The following CREB5 variants were observed in gnomAD, a reference collection of about 807,000 sequenced individuals.
CREB5 encodes the protein cAMP responsive element binding protein 5, also known as cyclic AMP-responsive element-binding protein 5.
In CREB5, 19 loss-of-function variants were observed where a neutral mutation model predicts 57.1. The observed-to-expected ratio is 0.33, with a 90% CI of 0.23 to 0.49. The LOEUF is 0.49. Ranked by LOEUF, CREB5 falls within the 20% of genes least tolerant of loss-of-function variation. The pLI is 0.99. For missense variants in CREB5, 579 were observed against 671.6 expected (o/e 0.86, Z 1.52); for synonymous variants, 238 against 238.3 (o/e 1.00, Z 0.01).
chr7:28,396,249 A>C (rs1490684874), intron 1 of CREB5, among the ~76,000 whole-genome samples: 4 of 152,236 alleles, frequency 2.6e-5, no homozygotes, highest in Non-Finnish European at 5.9e-5. Context: ...ATGGTGCCTG[A>C]GAAAGAGTTA....
intron 4 of CREB5, among the ~76,000 whole-genome samples, chr7:28,519,779 A>T (rs1199984882): frequency 6.6e-6 from 1 of 152,234 alleles, no homozygotes; most frequent in Non-Finnish European, 1.5e-5. Context: ...TGTTAATAAC[A>T]CTGACGGAAT....
chr7:28,493,466 AG>A (rs1161587350), intron 2 of CREB5, among the ~76,000 whole-genome samples: 1 of 152,230 alleles, frequency 6.6e-6, no homozygotes, highest in African/African-American at 2.4e-5. Flanking sequence ...GTAGATTGGC[AG>A]GAAGTTCTTC....
At chr7:28,654,717 C>T (rs745729375) in intron 5 of CREB5, among the ~76,000 whole-genome samples, 3 of 152,178 alleles carry the variant, frequency 2.0e-5, no homozygotes, top group Middle Eastern at 3.4e-3. Context: ...ATTTTAATAT[C>T]TTCCATATAA....
intron 1 of CREB5, among the ~76,000 whole-genome samples, chr7:28,322,985 A>T (rs1430861620): frequency 6.6e-6 from 1 of 151,988 alleles, no homozygotes; most frequent in African/African-American, 2.4e-5. Flanking sequence ...TAGCTAACCA[A>T]CTCTAGTACT....
At chr7:28,707,076 C>T (rs1390062810) in intron 5 of CREB5, among the ~76,000 whole-genome samples, 1 of 152,096 alleles carries the variant, frequency 6.6e-6, no homozygotes, top group Non-Finnish European at 1.5e-5. Context: ...AGAAAGCCGG[C>T]TTCCCTGAGA....
rs148258126 is a variant in CREB5, at chr7:28,813,766, C to A, written c.1255-4305C>A. ...TTTGTAGTATTGAATATCTCTGTGG[C>A]GTGCTGCTTCATCCCAAGGCAAACT... is the stretch of plus-strand genomic sequence containing the variant. On this transcript the variant is annotated intron_variant, in intron 9 of 10. Coordinates refer to ENST00000357727, the MANE Select transcript of CREB5 (RefSeq NM_182898.4). 4.7e-3 allele frequency among the ~76,000 whole-genome samples: 716 copies of A among 152,142 alleles called. 6 individuals carry two copies. The highest frequency in any genetic ancestry group is 0.016 in the African/African-American group (646 of 41,488).
intron 4 of CREB5, among the ~76,000 whole-genome samples, chr7:28,560,829 CGCGCGTGTGT>C (rs1795087713): frequency 1.5e-5 from 1 of 65,180 alleles, no homozygotes; most frequent in Non-Finnish European, 3.1e-5. Flanking sequence ...TGTGCGCGCG[CGCGCGTGTGT>C]GTGTGCGCGT....
intron 1 of CREB5, among the ~76,000 whole-genome samples, chr7:28,320,454 C>T (rs934825386): frequency 4.6e-5 from 7 of 152,304 alleles, no homozygotes; most frequent in Admixed American, 2.0e-4. Flanking sequence ...ACATGGACCA[C>T]GTAGGAGCCT....
At chr7:28,445,785 T>A (rs968315480) in intron 1 of CREB5, among the ~76,000 whole-genome samples, 7 of 151,640 alleles carry the variant, frequency 4.6e-5, no homozygotes, top group Non-Finnish European at 7.4e-5. Context: ...TCTTCTGACC[T>A]CATGATCCGC....
intron 8 of CREB5, among the ~76,000 whole-genome samples, chr7:28,806,108 G>A (rs891607228): frequency 1.3e-5 from 2 of 152,024 alleles, no homozygotes; most frequent in African/African-American, 4.8e-5. Context: ...TGCCTTTATG[G>A]GCAAGTTATT....
intron 7 of CREB5, among the ~76,000 whole-genome samples, chr7:28,742,839 A>G (rs927877699): frequency 6.6e-6 from 1 of 151,914 alleles, no homozygotes; most frequent in African/African-American, 2.4e-5. Flanking sequence ...GTGGAGTGCA[A>G]TGGTGCGATC....
intron 4 of CREB5, among the ~76,000 whole-genome samples, chr7:28,560,867 TGCGTGCGCGTGCGTGCGTGC>T (rs1583629253): frequency 2.7e-4 from 6 of 22,044 alleles, no homozygotes; most frequent in East Asian, 2.0e-3. Context: ...TGCGTGTGCC[TGCGTGCGCGTGCGTGCGTGC>T]GTGTGTGTGC....
In CREB5 at chr7:28,494,403, C is replaced by T. The variant is rs569276141; in HGVS notation, c.76-503C>T. Among the ~76,000 whole-genome samples, 14 of 152,192 alleles carry T rather than the reference C, an allele frequency of 9.2e-5. No individual in the cohort carries two copies. The South Asian group carries it at 2.9e-3, about 32-fold the overall frequency. On this transcript the variant is annotated intron_variant, in intron 2 of 10. Transcript: ENST00000357727. Reference sequence around the variant, plus strand: ...TTTGTATATATATGTTATTTTAATACCTTCAGTATTGTTCATTTACTTCTT... The same window carrying T: ...TTTGTATATATATGTTATTTTAATATCTTCAGTATTGTTCATTTACTTCTT...
At chr7:28,409,317 C>CG (rs561173995), upstream of CREB5, 39 of 152,510 alleles carry the variant, frequency 2.6e-4, no homozygotes, top group African/African-American at 5.1e-4. The surrounding 1 kb of genome is among the most constrained non-coding windows in gnomAD (Gnocchi z 4.4). Flanking sequence ...GTGACGTCAC[C>CG]GGGGGGGTGA....
intron 2 of CREB5, 52 bp from the exon 3 acceptor site, chr7:28,494,854 A>T: frequency 8.2e-7 from 1 of 1,220,332 alleles, no homozygotes; most frequent in East Asian, 2.5e-5. Context: ...TATGTTTTTT[A>T]AAACTGAATG....
intron 1 of CREB5, among the ~76,000 whole-genome samples, chr7:28,473,823 C>T (rs977360755): frequency 6.6e-6 from 1 of 152,184 alleles, no homozygotes; most frequent in African/African-American, 2.4e-5. Flanking sequence ...TTGGGAGTGT[C>T]TCATTGTCAC....
intron 5 of CREB5, among the ~76,000 whole-genome samples, chr7:28,696,789 TATACGTATACGTATATATACAC>T (rs1315693474): frequency 1.4e-5 from 2 of 147,822 alleles, no homozygotes; most frequent in Admixed American, 1.3e-4. Flanking sequence ...TACACATACG[TATACGTATACGTATATATACAC>T]ATACGTATAC....
In CREB5 at chr7:28,307,141, T is replaced by C. The variant is rs568252176; in HGVS notation, c.-25+7700T>C. Among the ~76,000 whole-genome samples, 15 of 152,304 alleles carry C rather than the reference T, an allele frequency of 9.8e-5. No homozygotes were observed. The East Asian group carries it at 2.7e-3, about 27-fold the overall frequency. ...AGATGCCCTTGCCCCTCCTCTAATG[T>C]CCCTTGGCCATGGCAGATGTTGCTT... On this transcript the variant is annotated intron_variant, in intron 1 of 9. Transcript: ENST00000396299.
rs1160810579 is a variant in CREB5, at chr7:28,561,287, C to CT, written c.292-9077dup. Among the ~76,000 whole-genome samples the CT allele has an allele frequency of 2.0e-5, 3 of 152,108 alleles. No individual in the cohort carries two copies. In the East Asian group the frequency reaches 5.8e-4, roughly 29 times the overall value. ...GTCCCCATCATCAAAGTGTTCAGAGCTAGAAGGAAGACTGACTTGAAACAT... is the reference window on the plus strand; with the variant it reads ...GTCCCCATCATCAAAGTGTTCAGAGCTTAGAAGGAAGACTGACTTGAAACAT... On this transcript the variant is annotated intron_variant, in intron 4 of 10. Coordinates refer to ENST00000357727, the MANE Select transcript of CREB5 (RefSeq NM_182898.4).
Sources: allele counts gnomAD v4.1 joint callset (sites outside exome capture counted in the v4.1 genomes callset), GRCh38; gene constraint gnomAD v4.1.1; non-coding constraint Gnocchi (gnomAD v3.1); transcripts MANE v1.5; gene names NCBI Gene and HGNC (gene_info 2026-07-23, HGNC 2026-07-21).